Variants in MYO3A observed in about 807,000 individuals in gnomAD.
MYO3A encodes the protein myosin-IIIa.
In MYO3A, 180 loss-of-function variants were observed where a neutral mutation model predicts 192.7. The observed-to-expected ratio is 0.93, with a 90% CI of 0.83 to 1.06. The LOEUF is 1.06. Among genes scored for constraint, MYO3A ranks in the 50% least tolerant of loss-of-function variants. MYO3A has a pLI of 0.00. For missense variants in MYO3A, 1,896 were observed against 1,905.0 expected, an observed-to-expected ratio of 1.00 and a Z score of 0.09; for synonymous variants, 628 against 645.3, an observed-to-expected ratio of 0.97 and a Z score of 0.41.
chr10:26,070,849 T>TATA (rs1835160630), intron 14 of MYO3A, among the ~76,000 whole-genome samples: 2 of 43,522 alleles, frequency 4.6e-5, no homozygotes, highest in Non-Finnish European at 1.5e-4. Context: ...ATCTAAATAT[T>TATA]ATATGTGCAA....
At chr10:26,079,618 G>A (rs905420740) in intron 14 of MYO3A, among the ~76,000 whole-genome samples, 4 of 152,072 alleles carry the variant, frequency 2.6e-5, no homozygotes, top group Non-Finnish European at 5.9e-5. Context: ...TAGGTCCTGT[G>A]TGATTTATGC....
intron 4 of MYO3A, among the ~76,000 whole-genome samples, chr10:25,956,049 A>G (rs1275470099): frequency 6.6e-6 from 1 of 152,178 alleles, no homozygotes; most frequent in African/African-American, 2.4e-5. Flanking sequence ...TTGTTGCTAC[A>G]TGCTCTGGAG....
chr10:26,011,047 G>A (rs1841617017), intron 6 of MYO3A, among the ~76,000 whole-genome samples: 1 of 152,076 alleles, frequency 6.6e-6, no homozygotes, highest in Non-Finnish European at 1.5e-5. Flanking sequence ...ATCTCACTCT[G>A]TCACCCAAGT....
chr10:26,122,061 A>G (rs79372667), intron 18 of MYO3A, among the ~76,000 whole-genome samples: 1,592 of 152,360 alleles, frequency 0.01, 25 homozygotes, highest in African/African-American at 0.037. Context: ...GTATGATATT[A>G]ACTTATCAGA....
chr10:25,974,241 ACATATGTAACAAACCTG>A (rs1273575734), intron 4 of MYO3A, among the ~76,000 whole-genome samples: 2 of 152,230 alleles, frequency 1.3e-5, no homozygotes, highest in East Asian at 3.8e-4. Flanking sequence ...AAGCAAATTT[ACATATGTAACAAACCTG>A]CACATTCTGC....
chr10:25,981,226 T>G (rs1839306039), intron 4 of MYO3A, among the ~76,000 whole-genome samples: 1 of 152,202 alleles, frequency 6.6e-6, no homozygotes, highest in African/African-American at 2.4e-5. Flanking sequence ...CACTTACCAC[T>G]AGTAGAAAAG....
chr10:26,018,534 A>T (rs1158250905), intron 7 of MYO3A, among the ~76,000 whole-genome samples: 1 of 152,218 alleles, frequency 6.6e-6, no homozygotes, highest in East Asian at 1.9e-4. Flanking sequence ...CAAATCAATT[A>T]TCACTTGAAA....
chr10:26,169,157 A>C (rs1841916530), intron 28 of MYO3A, among the ~76,000 whole-genome samples: 1 of 152,184 alleles, frequency 6.6e-6, no homozygotes, highest in Admixed American at 6.5e-5. Context: ...TTAATTATAG[A>C]TCTCAAGAAT....
At chr10:26,126,970 GTA>G in intron 19 of MYO3A, among the ~76,000 whole-genome samples, 1 of 152,166 alleles carries the variant, frequency 6.6e-6, no homozygotes, top group Admixed American at 6.5e-5. Context: ...ACTTTAAACG[GTA>G]TATGTTGTAT....
At chr10:26,073,699 A>G (rs1835359687) in intron 14 of MYO3A, among the ~76,000 whole-genome samples, 1 of 152,176 alleles carries the variant, frequency 6.6e-6, no homozygotes, top group Admixed American at 6.5e-5. Flanking sequence ...GCTCAAATGC[A>G]TTATGCAAGT....
chr10:26,193,239 A>AC lies in MYO3A; in HGVS notation c.4478dup (p.Arg1494LysfsTer11), dbSNP rs1374125242. ...AAGGAGAGGAGCCAAAAATATTGAG[A>AC]CCCCCAAGACGACCCCGGAAACCCA... On this transcript the variant is annotated frameshift_variant, in exon 32 of 35. Transcript: ENST00000642920. LOFTEE classifies it high-confidence loss of function. 15 of 1,613,508 alleles carry AC rather than the reference A, an allele frequency of 9.3e-6. No individual in the cohort carries two copies. Among genetic ancestry groups the AC allele is most frequent in the Admixed American group, 1.7e-5 (1 of 59,910 alleles).
intron 4 of MYO3A, among the ~76,000 whole-genome samples, chr10:25,993,829 G>C (rs1840228533): frequency 6.6e-6 from 1 of 152,176 alleles, no homozygotes; most frequent in Non-Finnish European, 1.5e-5. Flanking sequence ...AGTTTTGAAT[G>C]AGTTTCTTAA....
intron 7 of MYO3A, among the ~76,000 whole-genome samples, chr10:26,020,763 G>A (rs1842258721): frequency 6.6e-6 from 1 of 152,132 alleles, no homozygotes; most frequent in Non-Finnish European, 1.5e-5. Context: ...AAATTGGGAA[G>A]TAATCAATGC....
At chr10:25,991,562 G>A (rs1241713954) in intron 4 of MYO3A, among the ~76,000 whole-genome samples, 1 of 151,948 alleles carries the variant, frequency 6.6e-6, no homozygotes, top group Non-Finnish European at 1.5e-5. Context: ...CATTGCTTTT[G>A]GTGTTTTAGA....
intron 10 of MYO3A, among the ~76,000 whole-genome samples, chr10:26,038,918 G>A (rs865944055): frequency 3.3e-5 from 5 of 152,134 alleles, no homozygotes; most frequent in African/African-American, 9.7e-5. Context: ...CATGGTTTTT[G>A]TCCTTCATTC....
intron 31 of MYO3A, among the ~76,000 whole-genome samples, chr10:26,178,861 G>A (rs1842464393): frequency 6.6e-6 from 1 of 151,526 alleles, no homozygotes; most frequent in Non-Finnish European, 1.5e-5. Flanking sequence ...TAGTGCAGTG[G>A]CGCGATCTCG....
At chr10:26,039,384 G>A (rs1843214021) in intron 10 of MYO3A, among the ~76,000 whole-genome samples, 1 of 151,742 alleles carries the variant, frequency 6.6e-6, no homozygotes, top group African/African-American at 2.4e-5. Flanking sequence ...GAGAATTTTT[G>A]CGTCAAGATG....
intron 10 of MYO3A, among the ~76,000 whole-genome samples, chr10:26,052,094 T>G (rs888267299): frequency 6.6e-6 from 1 of 152,252 alleles, no homozygotes; most frequent in Non-Finnish European, 1.5e-5. Context: ...TTATTTCATA[T>G]GCTTTAGTGT....
chr10:26,164,295 G>A (rs1211473729), intron 26 of MYO3A, among the ~76,000 whole-genome samples: 1 of 152,180 alleles, frequency 6.6e-6, no homozygotes, highest in Non-Finnish European at 1.5e-5. Flanking sequence ...GTAAATGGAG[G>A]GAGCCAGAAG....
Sources: allele counts gnomAD v4.1 joint callset (sites outside exome capture counted in the v4.1 genomes callset), GRCh38; gene constraint gnomAD v4.1.1; transcripts MANE v1.5; gene names NCBI Gene and HGNC (gene_info 2026-07-23, HGNC 2026-07-21).